USH2A: variants seen among roughly 807,000 people sequenced by gnomAD.
USH2A encodes usherin, also known as Usher syndrome 2A (autosomal recessive, mild).
In USH2A, 443 loss-of-function variants were observed where a neutral mutation model predicts 538.9. That is an observed-to-expected ratio of 0.82 (90% CI 0.76 to 0.89). The LOEUF (loss-of-function observed/expected upper bound fraction) is 0.89. Ranked by LOEUF, USH2A falls within the 40% of genes least tolerant of loss-of-function variation. The probability of loss-of-function intolerance (pLI) is 0.00; values close to 1 mark genes in which losing one functional copy is unlikely to be tolerated. For missense variants in USH2A, 6,633 were observed against 6,324.8 expected, an observed-to-expected ratio of 1.05 and a Z score of -1.65; for synonymous variants, 2,413 against 2,273.5, an observed-to-expected ratio of 1.06 and a Z score of -1.75.
intron 44 of USH2A, among the ~76,000 whole-genome samples, chr1:215,857,608 A>C (rs1380667211): frequency 6.6e-6 from 1 of 152,206 alleles, no homozygotes; most frequent in African/African-American, 2.4e-5. Context: ...TGAGTTTTAC[A>C]TCCCCTGGTG....
In USH2A at chr1:215,782,798, T is replaced by A. The variant is rs944675223; in HGVS notation, c.10525A>T (p.Lys3509Ter). The A allele has an allele frequency of 3.1e-6, 5 of 1,614,044 alleles. No homozygotes were observed. Among genetic ancestry groups the A allele is most frequent in the Non-Finnish European group, 4.2e-6 (5 of 1,179,936 alleles). Residue 3509 changes from lysine (K) to a stop codon, truncating the protein, a stop_gained, in exon 53 of 72, where the codon AAA becomes TAA. Transcript: ENST00000307340. LOFTEE classifies it high-confidence loss of function. The part of the protein sequence containing the change: ...PQGVSPPTWT[K>*]IDNLEDTIVL... ...ATTGTATCTTCAAGATTGTCTATTT[T>A]GGTCCACGTAGGGGGACTCACTCCT...
intron 12 of USH2A, among the ~76,000 whole-genome samples, chr1:216,249,406 T>C (rs2036114466): frequency 1.3e-5 from 2 of 152,104 alleles, no homozygotes; most frequent in African/African-American, 4.8e-5. Flanking sequence ...TACAAAGAAG[T>C]AATTATTTCA....
intron 9 of USH2A, 36 bp downstream of exon 9, chr1:216,321,844 ATTT>A: frequency 7.1e-7 from 1 of 1,400,538 alleles, no homozygotes; most frequent in Non-Finnish European, 9.9e-7. Flanking sequence ...CATCTCTACT[ATTT>A]TTTTTTTAGA....
intron 38 of USH2A, among the ~76,000 whole-genome samples, chr1:215,914,302 T>C (rs2102482540): frequency 6.6e-6 from 1 of 152,114 alleles, no homozygotes; most frequent in East Asian, 1.9e-4. Flanking sequence ...TAAAAAGTTC[T>C]TTTTTGTTGT....
intron 21 of USH2A, among the ~76,000 whole-genome samples, chr1:216,119,986 GT>G (rs959589661): frequency 6.0e-5 from 9 of 149,860 alleles, no homozygotes; most frequent in Non-Finnish European, 8.9e-5. Flanking sequence ...ATATTCACTT[GT>G]TTTTTTTTAT....
At position 215,697,526 on chromosome 1, in the gene USH2A, TA is replaced by T. The variant is rs1279911751; in HGVS notation, c.12067-17151del. ...CTGCTTTTAAAAAATTTTTTATTTA[TA>T]TTTTTTTTGTTGAGATGGAGTTTCG... On this transcript the variant is annotated intron_variant, in intron 61 of 71. Coordinates refer to ENST00000307340, the MANE Select transcript of USH2A (RefSeq NM_206933.4). Among the ~76,000 whole-genome samples the T allele has an allele frequency of 2.4e-4, 22 of 90,732 alleles. No homozygotes were observed. In the East Asian group the frequency reaches 0.023, roughly 94 times the overall value. 59.5% of individuals were successfully genotyped at this position (90,732 alleles called of 152,430 possible).
At chr1:215,901,201 A>T in intron 38 of USH2A, 1 of 426,888 alleles carries the variant, frequency 2.3e-6, no homozygotes, top group Non-Finnish European at 4.4e-6. Flanking sequence ...ACATGGAGGG[A>T]ATTTAGTGAA....
In USH2A at chr1:215,674,666, A is replaced by C; in HGVS notation, c.13245T>G (p.Ser4415=). 1 of 1,614,078 alleles carries C rather than the reference A, an allele frequency of 6.2e-7. No homozygotes were observed. ...AGGCTACAAGGGAGAAGTTATACTG[A>C]GAGTAAGGCTGCAGGTGGGAAACCA... ...CLLVSHLQPY[S]QYNFSLVACT... is the part of the protein sequence containing the mutation. The change falls in exon 63 of 72, where the codon TCT becomes TCG. Residue 4415 remains serine, a synonymous_variant. Coordinates refer to ENST00000307340, the MANE Select transcript of USH2A (RefSeq NM_206933.4).
intron 24 of USH2A, among the ~76,000 whole-genome samples, 173 bp downstream of exon 24, chr1:216,086,546 T>A (rs2032138356): frequency 6.6e-6 from 1 of 152,130 alleles, no homozygotes; most frequent in African/African-American, 2.4e-5. Flanking sequence ...ATACAAGTCA[T>A]ATGGAATACA....
intron 61 of USH2A, among the ~76,000 whole-genome samples, chr1:215,698,591 T>C (rs1347730629): frequency 1.3e-5 from 2 of 152,268 alleles, no homozygotes; most frequent in Non-Finnish European, 2.9e-5. Flanking sequence ...GAGGCTTTTT[T>C]CATATGTTTG....
chr1:215,866,302 G>A (rs1284978966), intron 44 of USH2A, among the ~76,000 whole-genome samples: 3 of 152,130 alleles, frequency 2.0e-5, no homozygotes, highest in Non-Finnish European at 4.4e-5. Context: ...TACTGACCAA[G>A]TAACTGTGAA....
rs1656163525 is a variant in USH2A, at chr1:215,628,961, C to G, written c.15372G>C (p.Leu5124=). ...SIRSNRSACV[L]RIPSQNQTSL... The stretch of plus-strand genomic sequence containing the variant: ...TGGTTTGGTTTTGACTCGGGATGCG[C>G]AGGACACATGCACTCCGGTTGCTGC... Residue 5124 remains leucine, a synonymous_variant, in exon 71 of 72, where the codon CTG becomes CTC. Coordinates refer to ENST00000307340, the MANE Select transcript of USH2A (RefSeq NM_206933.4). 6.2e-7 allele frequency: 1 copy of G among 1,613,972 alleles called. No homozygotes were observed. The highest frequency in any genetic ancestry group is 1.3e-5 in the African/African-American group (1 of 74,910).
chr1:216,218,865 T>C lies in USH2A; in HGVS notation c.2994-1315A>G, dbSNP rs146600040. On this transcript the variant is annotated intron_variant, in intron 14 of 71. Coordinates refer to ENST00000307340, the MANE Select transcript of USH2A (RefSeq NM_206933.4). The stretch of plus-strand genomic sequence containing the variant: ...ATGTATTATAATTAAAATGGAATTA[T>C]AGATGCAAAAATACTTGATTTGCTC... Among the ~76,000 whole-genome samples, 208 of 152,266 alleles carry C rather than the reference T, an allele frequency of 1.4e-3. 1 individual carries two copies. The highest frequency in any genetic ancestry group is 2.5e-3 in the Non-Finnish European group (173 of 67,982).
intron 61 of USH2A, among the ~76,000 whole-genome samples, chr1:215,692,981 G>T (rs1344485238): frequency 6.6e-6 from 1 of 151,072 alleles, no homozygotes; most frequent in Non-Finnish European, 1.5e-5. Flanking sequence ...TTGGCTCATG[G>T]CAACCTCTGT....
intron 32 of USH2A, among the ~76,000 whole-genome samples, chr1:216,036,462 T>C (rs2029973627): frequency 1.3e-5 from 2 of 152,182 alleles, no homozygotes; most frequent in Admixed American, 6.5e-5. Context: ...TATGTATCTA[T>C]GTATATACAC....
At chr1:215,921,098 TTTG>T (rs553468974) in intron 38 of USH2A, among the ~76,000 whole-genome samples, 251 of 152,190 alleles carry the variant, frequency 1.6e-3, no homozygotes, top group African/African-American at 2.0e-3. Context: ...TTTAAGAAAG[TTTG>T]TTAATTTTTC....
intron 21 of USH2A, among the ~76,000 whole-genome samples, chr1:216,139,568 TAGAC>T (rs1413085325): frequency 1.3e-5 from 2 of 152,080 alleles, no homozygotes; most frequent in African/African-American, 4.8e-5. Context: ...ACCTGGAAAA[TAGAC>T]AAAGCAAGAG....
chr1:216,057,135 A>C (rs1261443378), intron 30 of USH2A, among the ~76,000 whole-genome samples: 1 of 151,916 alleles, frequency 6.6e-6, no homozygotes, highest in Non-Finnish European at 1.5e-5. Flanking sequence ...AAAATGAAAA[A>C]CTTTTTTTTT....
intron 63 of USH2A, 93 bp from the exon 64 acceptor site, chr1:215,671,386 A>G: frequency 1.6e-6 from 2 of 1,278,092 alleles, no homozygotes; most frequent in Non-Finnish European, 2.2e-6. Flanking sequence ...AAAAAAAGAC[A>G]AGCTTACATG....
Sources: gnomAD v4.1 joint callset for allele counts (sites outside exome capture counted in the v4.1 genomes callset) on GRCh38, gnomAD v4.1.1 for gene constraint, MANE v1.5 for transcripts, NCBI Gene and HGNC (gene_info 2026-07-23, HGNC 2026-07-21) for gene names.